ZDHHC21: variants seen among roughly 807,000 people sequenced by gnomAD.
The protein encoded by ZDHHC21 is palmitoyltransferase ZDHHC21.
A neutral mutation model predicts 34.6 loss-of-function variants in ZDHHC21; 15 were observed. The ratio of observed to expected loss-of-function variants is 0.43; its 90% CI spans 0.29 to 0.67. The LOEUF (loss-of-function observed/expected upper bound fraction) is 0.67, where lower values mean the gene tolerates loss of function less well. ZDHHC21 is among the 30% of genes least tolerant of loss of function. The pLI, the probability that ZDHHC21 is intolerant of heterozygous loss-of-function variation, is 0.14. For missense variants in ZDHHC21, 344 were observed against 327.7 expected (o/e 1.05, Z -0.38); for synonymous variants, 142 against 101.8 (o/e 1.40, Z -2.38).
chr9:14,647,161 G>A (rs989458403), intron 7 of ZDHHC21, among the ~76,000 whole-genome samples: 2 of 152,048 alleles, frequency 1.3e-5, no homozygotes, highest in Non-Finnish European at 2.9e-5. Flanking sequence ...CAGCAGAGGA[G>A]GAGAGGGTCA....
chr9:14,637,286 C>CA (rs1469414715), intron 8 of ZDHHC21, among the ~76,000 whole-genome samples: 1 of 151,742 alleles, frequency 6.6e-6, no homozygotes, highest in Non-Finnish European at 1.5e-5. Context: ...ACCAACAAAC[C>CA]AAAAAACCTA....
intron 7 of ZDHHC21, among the ~76,000 whole-genome samples, chr9:14,643,551 T>C (rs1829773587): frequency 6.6e-6 from 1 of 152,344 alleles, no homozygotes; most frequent in Admixed American, 6.5e-5. Context: ...TCTTTTCCTT[T>C]AGTGCTTTTT....
chr9:14,690,840 T>A (rs1173592890), intron 1 of ZDHHC21, among the ~76,000 whole-genome samples: 1 of 152,230 alleles, frequency 6.6e-6, no homozygotes, highest in Admixed American at 6.5e-5. Context: ...TTTTACAATT[T>A]CACCTGTATT....
chr9:14,628,239 A>G (rs1826659988), intron 8 of ZDHHC21, among the ~76,000 whole-genome samples: 1 of 152,162 alleles, frequency 6.6e-6, no homozygotes, highest in South Asian at 2.1e-4. Context: ...AGTAATTTCT[A>G]ATTATTTTAT....
intron 5 of ZDHHC21, among the ~76,000 whole-genome samples, chr9:14,662,884 G>C (rs541574523): frequency 5.1e-4 from 78 of 152,244 alleles, no homozygotes; most frequent in African/African-American, 1.7e-3. Flanking sequence ...GTGTGTATGG[G>C]ACAGGTTAGA....
At chr9:14,642,420 G>A (rs368244495) in intron 7 of ZDHHC21, among the ~76,000 whole-genome samples, 14 of 152,118 alleles carry the variant, frequency 9.2e-5, no homozygotes, top group African/African-American at 2.4e-4. Context: ...TTTGCTATCC[G>A]AGATCTTTAC....
intron 2 of ZDHHC21, among the ~76,000 whole-genome samples, chr9:14,684,835 G>T (rs1056398801): frequency 6.6e-6 from 1 of 152,100 alleles, no homozygotes; most frequent in Non-Finnish European, 1.5e-5. Flanking sequence ...AAACACCATG[G>T]TACTGGTACC....
intron 8 of ZDHHC21, among the ~76,000 whole-genome samples, chr9:14,625,438 C>A (rs1826035475): frequency 6.6e-6 from 1 of 152,000 alleles, no homozygotes; most frequent in African/African-American, 2.4e-5. Context: ...AAATCTCTTT[C>A]CAAAATAATC....
At chr9:14,608,660 AT>A (rs374897042), downstream of ZDHHC21, among the ~76,000 whole-genome samples, 144 of 147,326 alleles carry the variant, frequency 9.8e-4, no homozygotes, top group East Asian at 2.0e-3. Flanking sequence ...GCTTAGATGT[AT>A]TTTTTTTTTT....
chr9:14,619,489 A>C (rs753064718), intron 9 of ZDHHC21, 150 bp downstream of exon 9: 1 of 620,626 alleles, frequency 1.6e-6, no homozygotes, highest in Non-Finnish European at 2.7e-6. Flanking sequence ...CTACTGTAAG[A>C]CTGGGGTAGC....
At chr9:14,624,503 G>A (rs1446330405) in intron 8 of ZDHHC21, among the ~76,000 whole-genome samples, 3 of 152,032 alleles carry the variant, frequency 2.0e-5, no homozygotes, top group South Asian at 2.1e-4. Context: ...AATGAAGTAC[G>A]ATCATTTGTG....
intron 8 of ZDHHC21, among the ~76,000 whole-genome samples, chr9:14,627,813 T>C (rs373884012): frequency 4.6e-5 from 7 of 152,130 alleles, no homozygotes; most frequent in African/African-American, 1.7e-4. Context: ...ACTATTAGTA[T>C]TGGTGCTCAT....
chr9:14,592,457 A>G, the ZDHHC21 span, among the ~76,000 whole-genome samples: 1 of 152,142 alleles, frequency 6.6e-6, no homozygotes, highest in Non-Finnish European at 1.5e-5. Context: ...TACAGTATAC[A>G]GTCAGGACCA....
chr9:14,645,991 G>A (rs367616281), intron 7 of ZDHHC21, among the ~76,000 whole-genome samples: 4 of 152,076 alleles, frequency 2.6e-5, no homozygotes, highest in Non-Finnish European at 5.9e-5. Flanking sequence ...TTGGAAAACT[G>A]TTTAACACTA....
At chr9:14,671,378 C>G (rs1055349022) in intron 5 of ZDHHC21, among the ~76,000 whole-genome samples, 1 of 151,942 alleles carries the variant, frequency 6.6e-6, no homozygotes, top group Non-Finnish European at 1.5e-5. Flanking sequence ...TTGAAATTAC[C>G]TAAATCAATA....
chr9:14,615,752 G>C lies in ZDHHC21; in HGVS notation c.*3214C>G, dbSNP rs1824043255. ...CAATGACAAATATGATTGTTAAGGA[G>C]GTGTAACTTACAGTATCTAGGTAAA... On this transcript the variant is annotated 3_prime_UTR_variant, in exon 10 of 10. Transcript: ENST00000380916. 1.3e-5 allele frequency: 2 copies of C among 151,558 alleles called. No individual in the cohort carries two copies. The highest frequency in any genetic ancestry group is 1.3e-4 in the Admixed American group (2 of 15,166). The allele number at this position is 151,558 out of a possible 1,614,324, so 9.4% of individuals were successfully genotyped here. A position where few individuals can be genotyped will look rare whatever the true frequency, so the allele number is the denominator to read the frequency against.
chr9:14,609,267 A>C (rs1823123406), downstream of ZDHHC21, among the ~76,000 whole-genome samples: 1 of 152,164 alleles, frequency 6.6e-6, no homozygotes, highest in Non-Finnish European at 1.5e-5. Flanking sequence ...ACTTCAGGTG[A>C]ATTCCAGAAT....
At chr9:14,689,610 T>A (rs1211915432) in intron 2 of ZDHHC21, among the ~76,000 whole-genome samples, 1 of 152,220 alleles carries the variant, frequency 6.6e-6, no homozygotes, top group Non-Finnish European at 1.5e-5. Flanking sequence ...ACTGTATTAG[T>A]AGTACTACAC....
chr9:14,632,824 G>C (rs1035252617), intron 8 of ZDHHC21, among the ~76,000 whole-genome samples: 1 of 152,086 alleles, frequency 6.6e-6, no homozygotes, highest in Non-Finnish European at 1.5e-5. Flanking sequence ...CAACAAGCAT[G>C]TGAAAAGATA....
Sources: allele counts gnomAD v4.1 joint callset (sites outside exome capture counted in the v4.1 genomes callset), GRCh38; gene constraint gnomAD v4.1.1; transcripts MANE v1.5; gene names NCBI Gene and HGNC (gene_info 2026-07-23, HGNC 2026-07-21).